CLIP4: variants seen among roughly 807,000 people sequenced by gnomAD.
CLIP4 encodes the protein CAP-Gly domain containing linker protein family member 4, also known as CAP-Gly domain-containing linker protein 4.
In CLIP4, 47 loss-of-function variants were observed where a neutral mutation model predicts 73.1. The observed-to-expected ratio is 0.64, with a 90% CI of 0.51 to 0.82. The LOEUF is 0.82. CLIP4 is among the 40% of genes least tolerant of loss of function. The pLI is 0.00. For synonymous variants in CLIP4, 306 were observed against 295.4 expected, an observed-to-expected ratio of 1.04 and a Z score of -0.37; for missense variants, 874 against 852.9, an observed-to-expected ratio of 1.02 and a Z score of -0.31.
chr2:29,136,166 C>T (rs1318853876), intron 6 of CLIP4, among the ~76,000 whole-genome samples: 1 of 150,382 alleles, frequency 6.6e-6, no homozygotes, highest in African/African-American at 2.4e-5. Context: ...ATTTCATAGT[C>T]TTCAGATCAT....
At chr2:29,146,069 A>G (rs986533004) in intron 8 of CLIP4, among the ~76,000 whole-genome samples, 2 of 152,254 alleles carry the variant, frequency 1.3e-5, no homozygotes, top group East Asian at 3.9e-4. Flanking sequence ...GAATTGTCTC[A>G]ATGATGTTTT....
intron 8 of CLIP4, among the ~76,000 whole-genome samples, chr2:29,149,862 GA>G (rs1666433433): frequency 6.6e-6 from 1 of 152,192 alleles, no homozygotes; most frequent in African/African-American, 2.4e-5. Flanking sequence ...TTCCTGGTGA[GA>G]TTTTTTTGTT....
intron 9 of CLIP4, among the ~76,000 whole-genome samples, chr2:29,155,301 C>CA (rs1222634295): frequency 4.0e-5 from 6 of 150,828 alleles, no homozygotes; most frequent in Non-Finnish European, 5.9e-5. Flanking sequence ...TGTTTCTGAA[C>CA]AAAAAAAAGA....
intron 6 of CLIP4, among the ~76,000 whole-genome samples, chr2:29,140,913 C>T (rs953699642): frequency 2.0e-5 from 3 of 151,966 alleles, no homozygotes; most frequent in African/African-American, 7.2e-5. Context: ...TTTCTAGTTC[C>T]CTTAGGTGCA....
In CLIP4 at chr2:29,115,987, G is replaced by T. The variant is rs1321189526; in HGVS notation, c.-16+322G>T. ...GCGGCGGAGCTGGGCTCTGGGCCACGACCGCCAGCCGCGGCTGCCCCGAGA... is the reference window on the plus strand; with the variant it reads ...GCGGCGGAGCTGGGCTCTGGGCCACTACCGCCAGCCGCGGCTGCCCCGAGA... On this transcript the variant is annotated intron_variant, in intron 1 of 15. Coordinates refer to ENST00000320081, the MANE Select transcript of CLIP4 (RefSeq NM_024692.6). This position sits in a 1 kb window ranked among gnomAD's most constrained non-coding sequence, Gnocchi z 5.1. 1.3e-5 allele frequency among the ~76,000 whole-genome samples: 2 copies of T among 152,174 alleles called. No homozygotes were observed. The highest frequency in any genetic ancestry group is 2.4e-5 in the African/African-American group (1 of 41,462).
rs531177794 is a variant in CLIP4 at position 29,180,449 on chromosome 2, T to C, written c.1797-1123T>C. ...TTCTTGCACACTGTAAGGAATGTTA[T>C]GTTGTAGGGAGAAGGAGAGGCAGCT... is the stretch of plus-strand genomic sequence containing the variant. On this transcript the variant is annotated intron_variant, in intron 15 of 15. Transcript: ENST00000320081. 9.2e-5 allele frequency among the ~76,000 whole-genome samples: 14 copies of C among 152,258 alleles called. No homozygotes were observed. In the South Asian group the frequency reaches 2.7e-3, roughly 29 times the overall value.
At chr2:29,098,750 A>G (rs1199391235) in intron 1 of CLIP4, among the ~76,000 whole-genome samples, 1 of 152,240 alleles carries the variant, frequency 6.6e-6, no homozygotes, top group African/African-American at 2.4e-5. Flanking sequence ...GTTAGATCAT[A>G]TGGTAAGACT....
chr2:29,161,360 T>C (rs1394823218), intron 12 of CLIP4, among the ~76,000 whole-genome samples: 6 of 152,128 alleles, frequency 3.9e-5, no homozygotes, highest in African/African-American at 1.4e-4. Context: ...TAGATAGCAA[T>C]ATGCTATTTT....
intron 6 of CLIP4, among the ~76,000 whole-genome samples, chr2:29,136,743 C>T (rs914625989): frequency 5.3e-5 from 8 of 151,946 alleles, no homozygotes; most frequent in Admixed American, 1.3e-4. Flanking sequence ...GAGAGAGTAG[C>T]GTGCAAGAAG....
intron 6 of CLIP4, among the ~76,000 whole-genome samples, chr2:29,142,098 T>A (rs1158291526): frequency 6.6e-6 from 1 of 152,206 alleles, no homozygotes; most frequent in African/African-American, 2.4e-5. Context: ...ATGAAGAACA[T>A]AGACTATGTG....
At chr2:29,164,706 G>A (rs6736999) in intron 13 of CLIP4, among the ~76,000 whole-genome samples, 15,744 of 152,074 alleles carry the variant, frequency 0.1, 909 homozygotes, top group Middle Eastern at 0.17. Context: ...ATCGCAATCT[G>A]GGAGTCTTGT....
rs200946102 is a variant in CLIP4 at position 29,145,363 on chromosome 2, G to A, written c.1017G>A (p.Lys339=). ...TCCAGTACTTTAAATGTGCCCCCAAGTATGGTAAGGTTGATATTATTTAAC... is the reference window on the plus strand; with the variant it reads ...TCCAGTACTTTAAATGTGCCCCCAAATATGGTAAGGTTGATATTATTTAAC... ...GKVQYFKCAP[K]YGIFAPLSKI... Residue 339 remains lysine (K), a synonymous_variant, in exon 8 of 16, where the codon AAG becomes AAA. Coordinates refer to ENST00000320081, the MANE Select transcript of CLIP4 (RefSeq NM_024692.6). 2 of 1,604,600 alleles carry A rather than the reference G, an allele frequency of 1.2e-6. No individual in the cohort carries two copies. Among genetic ancestry groups the A allele is most frequent in the East Asian group, 2.2e-5 (1 of 44,786 alleles).
At chr2:29,122,240 C>CTTTTTTTTTTTTTTTTTTT (rs11359647) in intron 2 of CLIP4, among the ~76,000 whole-genome samples, 1 of 135,276 alleles carries the variant, frequency 7.4e-6, no homozygotes, top group Non-Finnish European at 1.6e-5. Context: ...CTCCAAGTTT[C>CTTTTTTTTTTTTTTTTTTT]TTTTTTTTTT....
At chr2:29,149,472 G>A (rs1666401257) in intron 8 of CLIP4, among the ~76,000 whole-genome samples, 1 of 150,730 alleles carries the variant, frequency 6.6e-6, no homozygotes, top group Non-Finnish European at 1.5e-5. Context: ...TTTAGTGGGG[G>A]TTGGAGAAGA....
chr2:29,125,467 C>T (rs775620687), intron 2 of CLIP4, among the ~76,000 whole-genome samples: 4 of 152,136 alleles, frequency 2.6e-5, no homozygotes, highest in African/African-American at 4.8e-5. Context: ...CCTCTGGCCG[C>T]CTCAAGTTCC....
chr2:29,136,292 A>T lies in CLIP4; in HGVS notation c.648+626A>T, dbSNP rs190429466. The stretch of plus-strand genomic sequence containing the variant: ...TCGTGTTATACTTTCCCTTGAAGGG[A>T]TGTGTGTGAGCGGCAGATAGTGTGC... On this transcript the variant is annotated intron_variant, in intron 6 of 15. Transcript: ENST00000320081. Among the ~76,000 whole-genome samples the T allele has an allele frequency of 6.8e-3, 1,025 of 151,470 alleles. 10 individuals carry two copies. Among genetic ancestry groups the T allele is most frequent in the Non-Finnish European group, 0.011 (757 of 67,922 alleles).
At chr2:29,120,537 TTTAG>T (rs1274164099) in intron 1 of CLIP4, among the ~76,000 whole-genome samples, 3 of 152,326 alleles carry the variant, frequency 2.0e-5, no homozygotes, top group African/African-American at 7.2e-5. Context: ...TCATTTTTCA[TTTAG>T]TTTTATAATG....
intron 6 of CLIP4, among the ~76,000 whole-genome samples, chr2:29,143,487 C>G (rs1665925137): frequency 6.6e-6 from 1 of 151,472 alleles, no homozygotes; most frequent in African/African-American, 2.4e-5. Flanking sequence ...TCTATCTCTC[C>G]CACCAGAATG....
At chr2:29,120,404 A>G (rs563014018) in intron 1 of CLIP4, among the ~76,000 whole-genome samples, 41 of 152,284 alleles carry the variant, frequency 2.7e-4, no homozygotes, top group Admixed American at 2.7e-3. Context: ...TGAGTTAGAT[A>G]TAGGGTTGGT....
Sources: gnomAD v4.1 joint callset for allele counts (sites outside exome capture counted in the v4.1 genomes callset) on GRCh38, gnomAD v4.1.1 for gene constraint, Gnocchi (gnomAD v3.1) non-coding constraint, MANE v1.5 for transcripts, NCBI Gene and HGNC (gene_info 2026-07-23, HGNC 2026-07-21) for gene names.